Variants in NCLN observed in about 807,000 individuals in gnomAD.
NCLN encodes the protein nicalin.
NCLN carries 34 observed loss-of-function variants against 69.5 expected under a neutral mutation model. The ratio of observed to expected loss-of-function variants is 0.49; its 90% confidence interval spans 0.37 to 0.65. The LOEUF is 0.65. NCLN is among the 30% of genes least tolerant of loss of function. The pLI is 0.00. For synonymous variants in NCLN, 393 were observed against 358.3 expected, an observed-to-expected ratio of 1.10 and a Z score of -1.09; for missense variants, 710 against 804.8, an observed-to-expected ratio of 0.88 and a Z score of 1.42.
intron 7 of NCLN, 33 bp downstream of exon 7, chr19:3,203,877 C>T (rs376484834): frequency 9.2e-5 from 147 of 1,604,108 alleles, no homozygotes; most frequent in Middle Eastern, 3.3e-4. Flanking sequence ...GGGGGTGCCG[C>T]GGTGGTGGTG....
chr19:3,198,897 C>A lies in NCLN; in HGVS notation c.696C>A (p.Pro232=). Residue 232 remains proline (P), a splice_region_variant and synonymous_variant, in exon 5 of 15, where the codon CCC becomes CCA. Coordinates refer to ENST00000246117, the MANE Select transcript of NCLN (RefSeq NM_020170.4). ...ACTACGACGCCTTTGGAGTGGCCCCCGTACGTATGTGTGTCCCCATTCCCC... is the reference window on the plus strand; with the variant it reads ...ACTACGACGCCTTTGGAGTGGCCCCAGTACGTATGTGTGTCCCCATTCCCC... ...VAHYDAFGVA[P]WLSLGADSNG... 6.7e-7 allele frequency: 1 copy of A among 1,490,242 alleles called. No homozygotes were observed. 92.3% of individuals were successfully genotyped at this position (1,490,242 alleles called of 1,614,324 possible).
At chr19:3,204,450 C>T (rs1916208205) in intron 8 of NCLN, 123 bp from the exon 9 acceptor site, 4 of 1,100,314 alleles carry the variant, frequency 3.6e-6, no homozygotes, top group Non-Finnish European at 3.7e-6. Context: ...ACCCCGGGGG[C>T]AGGTGGATTT....
intron 1 of NCLN, among the ~76,000 whole-genome samples, chr19:3,189,520 C>T (rs993244780): frequency 7.9e-5 from 12 of 152,252 alleles, no homozygotes; most frequent in Non-Finnish European, 5.9e-5. Context: ...GGTTGGCCGT[C>T]TGGCCCCCGA....
chr19:3,204,287 G>A, intron 8 of NCLN, 143 bp downstream of exon 8: 1 of 1,101,484 alleles, frequency 9.1e-7, no homozygotes, highest in South Asian at 1.8e-5. Context: ...GGGCTGGGGT[G>A]TTCTGTCCTG....
At chr19:3,202,962 G>A (rs1317283875) in intron 6 of NCLN, among the ~76,000 whole-genome samples, 18 of 152,182 alleles carry the variant, frequency 1.2e-4, no homozygotes, top group Admixed American at 1.3e-4. Flanking sequence ...GGTAGGGGGC[G>A]TGCTGAGCAG....
chr19:3,191,636 A>G (rs1482564479), intron 1 of NCLN, among the ~76,000 whole-genome samples: 2 of 152,240 alleles, frequency 1.3e-5, no homozygotes, highest in African/African-American at 4.8e-5. Flanking sequence ...ACCCCCTGTA[A>G]CAGGAGTTGA....
chr19:3,197,451 T>C (rs1215403456), intron 4 of NCLN, among the ~76,000 whole-genome samples: 1 of 152,170 alleles, frequency 6.6e-6, no homozygotes, highest in Non-Finnish European at 1.5e-5. Flanking sequence ...TTGTTTGTTT[T>C]TGTTTTTTGA....
intron 9 of NCLN, 103 bp downstream of exon 9, chr19:3,204,854 C>T (rs901366170): frequency 2.1e-5 from 25 of 1,210,792 alleles, no homozygotes; most frequent in Non-Finnish European, 2.7e-5. Context: ...GAGCGGCCCC[C>T]ACACACAGGC....
intron 5 of NCLN, 109 bp downstream of exon 5, chr19:3,199,006 C>T: frequency 1.4e-6 from 1 of 718,798 alleles, no homozygotes; most frequent in Middle Eastern, 2.6e-4. Flanking sequence ...GTCAGCGGCT[C>T]TCCCTGTGAC....
chr19:3,202,471 C>G (rs1417267131), intron 6 of NCLN, among the ~76,000 whole-genome samples: 1 of 152,212 alleles, frequency 6.6e-6, no homozygotes. Flanking sequence ...ACTGTGTCTC[C>G]TGTGCGGGGT....
At chr19:3,197,083 G>A (rs1309652862) in intron 4 of NCLN, among the ~76,000 whole-genome samples, 1 of 152,258 alleles carries the variant, frequency 6.6e-6, no homozygotes, top group African/African-American at 2.4e-5. Flanking sequence ...CCTGGGGTTT[G>A]TCGATGGCGG....
In NCLN at chr19:3,204,660, G is replaced by A. The variant is rs1271987272; in HGVS notation, c.1117G>A (p.Glu373Lys). The change falls in exon 9 of 15, where the codon GAG (glutamate) becomes AAG (lysine). Residue 373 changes from glutamate to lysine, a missense_variant. Coordinates refer to ENST00000246117, the MANE Select transcript of NCLN (RefSeq NM_020170.4). ...LAEDVLAWEH[E>K]RFAIRRLPAF... ...GGAGGACGTGCTGGCCTGGGAGCAC[G>A]AGCGCTTCGCCATCCGCCGACTGCC... 2.5e-6 allele frequency: 4 copies of A among 1,609,566 alleles called. No individual in the cohort carries two copies. The highest frequency in any genetic ancestry group is 3.4e-6 in the Non-Finnish European group (4 of 1,178,292).
At position 3,185,974 on chromosome 19, in the gene NCLN, G is replaced by T. The variant is rs1915654651; in HGVS notation, c.-57G>T. On this transcript the variant is annotated 5_prime_UTR_variant, in exon 1 of 15. Coordinates refer to ENST00000246117, the MANE Select transcript of NCLN (RefSeq NM_020170.4). Reference sequence around the variant, plus strand: ...ATGCCGAGGTGAGTCCGCGGGAGCCGCCGCCGCCGCCGTCCCGTCCCAGCT... The same window carrying T: ...ATGCCGAGGTGAGTCCGCGGGAGCCTCCGCCGCCGCCGTCCCGTCCCAGCT... 1 of 1,348,398 alleles carries T rather than the reference G, an allele frequency of 7.4e-7. No individual in the cohort carries two copies. The allele number at this position is 1,348,398 out of a possible 1,614,324, so 83.5% of individuals were successfully genotyped here.
chr19:3,202,037 A>C (rs1268778841), intron 6 of NCLN, among the ~76,000 whole-genome samples: 3 of 152,086 alleles, frequency 2.0e-5, no homozygotes, highest in Non-Finnish European at 4.4e-5. Context: ...CGCCATAGTC[A>C]TGATAGCCAC....
Position 3,207,461 on chromosome 19 carries a change from G to A in NCLN, c.1624G>A (p.Ala542Thr). Residue 542 changes from alanine to threonine, a missense_variant, in exon 14 of 15, where the codon GCT (alanine) becomes ACT (threonine). Physicochemically the swap from Ala to Thr is moderately conservative, Grantham distance 58. Transcript: ENST00000246117. ...IAAYLGMAYV[A>T]VQHFSLLYKT... ...TGCCTACCTCGGCATGGCCTACGTG[G>A]CTGTCCAGGTGAGCAGTGCCCAGGC... 1.9e-6 allele frequency: 3 copies of A among 1,612,850 alleles called. No homozygotes were observed. Among genetic ancestry groups the A allele is most frequent in the Non-Finnish European group, 1.7e-6 (2 of 1,179,998 alleles).
chr19:3,202,979 T>C (rs983223842), intron 6 of NCLN, among the ~76,000 whole-genome samples: 11 of 152,080 alleles, frequency 7.2e-5, no homozygotes, highest in African/African-American at 2.7e-4. Context: ...GCAGTTTCCT[T>C]CTCTGACTCT....
chr19:3,195,033 G>C (rs1202758606), intron 3 of NCLN, among the ~76,000 whole-genome samples: 1 of 151,928 alleles, frequency 6.6e-6, no homozygotes, highest in South Asian at 2.1e-4. Context: ...AAAAAGCCAG[G>C]TGTGGTGGTG....
intron 3 of NCLN, 28 bp downstream of exon 3, chr19:3,193,456 C>CCGTGGG (rs1915883309): frequency 6.4e-7 from 1 of 1,568,816 alleles, no homozygotes. Context: ...GGGACGGGGC[C>CCGTGGG]CGTGGGCGTG....
In NCLN at chr19:3,204,023, A is replaced by G; in HGVS notation, c.908A>G (p.Asp303Gly). The G allele has an allele frequency of 1.9e-6, 3 of 1,573,748 alleles. No homozygotes were observed. Among genetic ancestry groups the G allele is most frequent in the South Asian group, 1.2e-5 (1 of 86,616 alleles). Residue 303 changes from aspartate (D) to glycine (G), a missense_variant, in exon 8 of 15, where the codon GAC (aspartate) becomes GGC (glycine). Coordinates refer to ENST00000246117, the MANE Select transcript of NCLN (RefSeq NM_020170.4). The stretch of plus-strand genomic sequence containing the variant: ...CCTGCAGACTCCAGCCTGCTTCAGG[A>G]CAATGTGGCCTTCGTGCTGTGCCTG... ...LDHTDSSLLQDNVAFVLCLDT... is the reference protein window; with the variant it reads ...LDHTDSSLLQGNVAFVLCLDT...
Sources: gnomAD v4.1 joint callset for allele counts (sites outside exome capture counted in the v4.1 genomes callset) on GRCh38, gnomAD v4.1.1 for gene constraint, MANE v1.5 for transcripts, NCBI Gene and HGNC (gene_info 2026-07-23, HGNC 2026-07-21) for gene names.